The following KIF5C variants were observed in gnomAD, a reference collection of about 807,000 sequenced individuals.
KIF5C encodes kinesin family member 5C.
In KIF5C, 18 loss-of-function variants were observed where a neutral mutation model predicts 125.2. That is an observed-to-expected ratio of 0.14 (90% CI 0.10 to 0.21). The LOEUF is 0.21. Ranked by LOEUF, KIF5C falls within the 10% of genes least tolerant of loss-of-function variation. The pLI, the probability that KIF5C is intolerant of heterozygous loss-of-function variation, is 1.00. For synonymous variants in KIF5C, 405 were observed against 434.0 expected (o/e 0.93, Z 0.83); for missense variants, 780 against 1,183.8 (o/e 0.66, Z 5.01).
intron 25 of KIF5C, among the ~76,000 whole-genome samples, chr2:149,013,919 T>C (rs1271982724): frequency 2.0e-5 from 3 of 152,206 alleles, no homozygotes; most frequent in Admixed American, 2.0e-4. Context: ...TCACCCATTG[T>C]GGCATTTTTT....
intron 17 of KIF5C, among the ~76,000 whole-genome samples, chr2:148,996,275 T>C (rs7577492): frequency 1.3e-5 from 2 of 152,202 alleles, no homozygotes; most frequent in Non-Finnish European, 2.9e-5. Flanking sequence ...TATTGTTGTT[T>C]TACAGTTTGC....
intron 1 of KIF5C, among the ~76,000 whole-genome samples, chr2:148,885,032 A>G (rs138854454): frequency 0.065 from 9,521 of 145,524 alleles, 388 homozygotes; most frequent in Middle Eastern, 0.19. Flanking sequence ...GTGCAATGGC[A>G]CGATCTTGGC....
intron 11 of KIF5C, among the ~76,000 whole-genome samples, chr2:148,968,812 C>A (rs1308139171): frequency 2.0e-5 from 3 of 151,886 alleles, no homozygotes; most frequent in Non-Finnish European, 4.4e-5. Context: ...CATCTTGTAG[C>A]CAGCTGCTCT....
intron 1 of KIF5C, among the ~76,000 whole-genome samples, chr2:148,911,108 C>T (rs896119321): frequency 1.3e-5 from 2 of 152,112 alleles, no homozygotes; most frequent in Non-Finnish European, 2.9e-5. Flanking sequence ...GTTTGGGACT[C>T]AGAGTTCAGG....
At position 148,961,981 on chromosome 2, in the gene KIF5C, A is replaced by G. The variant is rs1381027492; in HGVS notation, c.979A>G (p.Ile327Val). 6.2e-7 allele frequency: 1 copy of G among 1,613,374 alleles called. No homozygotes were observed. Among genetic ancestry groups the G allele is most frequent in the Admixed American group, 1.7e-5 (1 of 59,860 alleles). The change falls in exon 11 of 26, where the codon ATC becomes GTC. Residue 327 changes from isoleucine (I) to valine (V), a missense_variant. Ile to Val is a conservative substitution (Grantham distance 29). Transcript: ENST00000435030. ...TLMFGQRAKT[I>V]KNTVSVNLEL... ...TGTTTTTAATCCCAGAGCTAAGACCATCAAGAATACAGTCTCTGTGAACCT... is the reference window on the plus strand; with the variant it reads ...TGTTTTTAATCCCAGAGCTAAGACCGTCAAGAATACAGTCTCTGTGAACCT...
chr2:149,006,697 T>G (rs1307253884), intron 22 of KIF5C, among the ~76,000 whole-genome samples: 1 of 152,158 alleles, frequency 6.6e-6, no homozygotes, highest in Admixed American at 6.5e-5. Context: ...GATGGGCAAT[T>G]TCAAGGCCTG....
At chr2:148,958,246 G>A (rs1022907711) in intron 10 of KIF5C, among the ~76,000 whole-genome samples, 7 of 152,116 alleles carry the variant, frequency 4.6e-5, no homozygotes, top group Admixed American at 1.3e-4. Flanking sequence ...TTCTACTTTA[G>A]TAGATACTAC....
chr2:148,877,584 G>A (rs1386603980), intron 1 of KIF5C, among the ~76,000 whole-genome samples: 3 of 152,228 alleles, frequency 2.0e-5, no homozygotes. Flanking sequence ...GATAGAGTGG[G>A]AGTTACTGGG....
chr2:148,911,674 T>A (rs1030588112), intron 1 of KIF5C, among the ~76,000 whole-genome samples: 1 of 152,034 alleles, frequency 6.6e-6, no homozygotes, highest in African/African-American at 2.4e-5. Flanking sequence ...ATGCTTTACA[T>A]TGAAAGAAAG....
chr2:148,936,391 A>G (rs1295451228), intron 3 of KIF5C, among the ~76,000 whole-genome samples: 1 of 152,226 alleles, frequency 6.6e-6, no homozygotes, highest in Non-Finnish European at 1.5e-5. Flanking sequence ...TGGATTGTTG[A>G]ACACATATGA....
At chr2:148,897,914 G>T (rs1203277609) in intron 1 of KIF5C, among the ~76,000 whole-genome samples, 9 of 56,868 alleles carry the variant, frequency 1.6e-4, no homozygotes, top group Non-Finnish European at 2.4e-4. Flanking sequence ...GTAAGACTCA[G>T]TCTCAAAAAA....
chr2:148,920,132 G>T (rs1468569154), intron 1 of KIF5C, among the ~76,000 whole-genome samples: 1 of 152,154 alleles, frequency 6.6e-6, no homozygotes, highest in Non-Finnish European at 1.5e-5. Flanking sequence ...TAATTTAACA[G>T]GTCATTTTGT....
intron 10 of KIF5C, among the ~76,000 whole-genome samples, chr2:148,957,573 A>G (rs1045130081): frequency 5.4e-4 from 78 of 145,400 alleles, no homozygotes; most frequent in Middle Eastern, 3.5e-3. Context: ...CATCCTAGAT[A>G]GGAGAATGTT....
chr2:148,959,592 T>G (rs1231084930), intron 10 of KIF5C, among the ~76,000 whole-genome samples: 1 of 152,208 alleles, frequency 6.6e-6, no homozygotes, highest in Admixed American at 6.5e-5. Flanking sequence ...CGGGCTCCAG[T>G]GTGAGACACA....
chr2:148,935,976 C>T (rs547772111), intron 3 of KIF5C, among the ~76,000 whole-genome samples: 67 of 152,162 alleles, frequency 4.4e-4, no homozygotes, highest in African/African-American at 1.5e-3. Context: ...TCCATTTTTC[C>T]GGATGAGAGA....
At chr2:148,962,170 T>G (rs1682942954) in intron 11 of KIF5C, 51 bp downstream of exon 11, 7 of 1,498,816 alleles carry the variant, frequency 4.7e-6, no homozygotes, top group Admixed American at 2.4e-5. Flanking sequence ...GCTTTTTTTA[T>G]TTTTATTTTT....
intron 1 of KIF5C, among the ~76,000 whole-genome samples, chr2:148,921,107 A>G (rs899517918): frequency 1.1e-4 from 16 of 152,130 alleles, no homozygotes; most frequent in African/African-American, 3.4e-4. Context: ...CTTCCCCAGC[A>G]CTCAGCACTG....
chr2:148,973,379 G>T lies in KIF5C; in HGVS notation c.1161G>T (p.Gln387His). 6.2e-7 allele frequency: 1 copy of T among 1,613,724 alleles called. No individual in the cohort carries two copies. The highest frequency in any genetic ancestry group is 8.5e-7 in the Non-Finnish European group (1 of 1,179,702). The change falls in exon 12 of 26, where the codon CAG becomes CAT. Residue 387 changes from glutamine to histidine, a missense_variant. Around this residue, in one of 2 missense-constraint regions of KIF5C, gnomAD observed 573 missense variants for 742.6 expected, o/e 0.77. Coordinates refer to ENST00000435030, the MANE Select transcript of KIF5C (RefSeq NM_004522.3). The stretch of plus-strand genomic sequence containing the variant: ...ATGAACAGATCAGTGCCAAGGACCA[G>T]AAGAACCTGGAGCCTTGTGATAACA... Reference protein sequence around the residue: ...PEDEQISAKDQKNLEPCDNTP... With the variant: ...PEDEQISAKDHKNLEPCDNTP...
At chr2:148,878,456 G>A (rs1309141193) in intron 1 of KIF5C, 1 of 152,180 alleles carries the variant, frequency 6.6e-6, no homozygotes, top group East Asian at 1.9e-4. Context: ...ACTGTTGATG[G>A]ATATTTGGAT....
Sources: gnomAD v4.1 joint callset for allele counts (sites outside exome capture counted in the v4.1 genomes callset) on GRCh38, gnomAD v4.1.1 for gene constraint, gnomAD v4.1.1 regional missense constraint, MANE v1.5 for transcripts, NCBI Gene and HGNC (gene_info 2026-07-23, HGNC 2026-07-21) for gene names.